The following DOCK1 variants were observed in gnomAD, a reference collection of about 807,000 sequenced individuals.
DOCK1 encodes dedicator of cytokinesis protein 1.
DOCK1 carries 138 observed loss-of-function variants against 262.7 expected under a neutral mutation model. The observed-to-expected ratio is 0.53, with a 90% confidence interval of 0.46 to 0.61. The LOEUF is 0.61. Ranked by LOEUF, DOCK1 falls within the 20% of genes least tolerant of loss-of-function variation. The pLI is 0.00. For missense variants in DOCK1, 1,908 were observed against 2,370.7 expected, an observed-to-expected ratio of 0.80 and a Z score of 4.05; for synonymous variants, 866 against 867.4, an observed-to-expected ratio of 1.00 and a Z score of 0.03.
At chr10:127,222,391 A>G (rs913088087) in intron 27 of DOCK1, among the ~76,000 whole-genome samples, 1 of 152,210 alleles carries the variant, frequency 6.6e-6, no homozygotes, top group African/African-American at 2.4e-5. Context: ...AATATGTTGT[A>G]GGAACTACAG....
intron 51 of DOCK1, among the ~76,000 whole-genome samples, chr10:127,450,733 A>G (rs2134879117): frequency 6.6e-6 from 1 of 152,318 alleles, no homozygotes; most frequent in South Asian, 2.1e-4. Flanking sequence ...AAAGTAATAT[A>G]TGCCCATGAG....
At chr10:127,316,222 T>G (rs1422865783) in intron 29 of DOCK1, among the ~76,000 whole-genome samples, 1 of 152,216 alleles carries the variant, frequency 6.6e-6, no homozygotes. Flanking sequence ...TACAATATTA[T>G]TAACTCTGGT....
At chr10:127,044,117 A>AT (rs1394905498) in intron 21 of DOCK1, among the ~76,000 whole-genome samples, 2 of 152,204 alleles carry the variant, frequency 1.3e-5, no homozygotes, top group Non-Finnish European at 2.9e-5. Flanking sequence ...CCCGCTTAGA[A>AT]TCAGTAGAAA....
intron 27 of DOCK1, among the ~76,000 whole-genome samples, chr10:127,134,893 G>A (rs1457611438): frequency 2.6e-5 from 4 of 152,148 alleles, no homozygotes; most frequent in African/African-American, 7.2e-5. Flanking sequence ...ACCAGCCCAC[G>A]TGTGCAGATG....
chr10:127,335,918 A>G (rs557145948), intron 29 of DOCK1, among the ~76,000 whole-genome samples: 28 of 151,664 alleles, frequency 1.8e-4, no homozygotes, highest in Non-Finnish European at 3.8e-4. Context: ...GGGTTTCACC[A>G]TGTTAGCCAG....
chr10:127,224,546 A>G (rs1294764165), intron 27 of DOCK1, among the ~76,000 whole-genome samples: 2 of 151,292 alleles, frequency 1.3e-5, no homozygotes, highest in Non-Finnish European at 2.9e-5. Flanking sequence ...GTGACAAAAC[A>G]AGACTCTGCT....
intron 29 of DOCK1, among the ~76,000 whole-genome samples, chr10:127,286,246 AAG>A (rs2061149125): frequency 6.6e-6 from 1 of 151,932 alleles, no homozygotes; most frequent in Non-Finnish European, 1.5e-5. Flanking sequence ...TTGTCTGAAA[AAG>A]AAATCTATTT....
In DOCK1 at chr10:127,061,660, C is replaced by T; in HGVS notation, c.2337-8C>T. On this transcript the variant is annotated splice_region_variant and splice_polypyrimidine_tract_variant and intron_variant, in intron 22 of 51. Coordinates refer to ENST00000623213, the MANE Select transcript of DOCK1 (RefSeq NM_001290223.2). Reference sequence around the variant, plus strand: ...CCAGGCCCCCACAGTTTGTGTGTTTCTTTGCAGACTGTATGAAAACAAGGG... The same window carrying T: ...CCAGGCCCCCACAGTTTGTGTGTTTTTTTGCAGACTGTATGAAAACAAGGG... 1 of 1,588,950 alleles carries T rather than the reference C, an allele frequency of 6.3e-7. No individual in the cohort carries two copies. Among genetic ancestry groups the T allele is most frequent in the Non-Finnish European group, 8.6e-7 (1 of 1,167,068 alleles).
At chr10:127,333,462 A>G (rs1298132279) in intron 29 of DOCK1, among the ~76,000 whole-genome samples, 1 of 152,166 alleles carries the variant, frequency 6.6e-6, no homozygotes, top group Non-Finnish European at 1.5e-5. Context: ...GGAATAGTTA[A>G]ATTGGTTCCT....
At chr10:127,258,505 C>A (rs2059904208) in intron 29 of DOCK1, among the ~76,000 whole-genome samples, 1 of 152,210 alleles carries the variant, frequency 6.6e-6, no homozygotes, top group Non-Finnish European at 1.5e-5. Flanking sequence ...GGTAGTGTCC[C>A]ATGGTACGCC....
intron 27 of DOCK1, among the ~76,000 whole-genome samples, chr10:127,161,686 C>G (rs751567650): frequency 6.6e-6 from 1 of 152,110 alleles, no homozygotes; most frequent in African/African-American, 2.4e-5. Context: ...CTGTTCTTTA[C>G]GGATCCTTTG....
intron 27 of DOCK1, among the ~76,000 whole-genome samples, chr10:127,173,064 T>C (rs1375772127): frequency 6.6e-6 from 1 of 152,118 alleles, no homozygotes; most frequent in Non-Finnish European, 1.5e-5. Flanking sequence ...GCCGGGCATA[T>C]AGGGGATGCA....
rs1298302104 is a variant in DOCK1, at chr10:127,240,523, A to C, written c.2848-7485A>C. On this transcript the variant is annotated intron_variant, in intron 27 of 51. Coordinates refer to ENST00000623213, the MANE Select transcript of DOCK1 (RefSeq NM_001290223.2). ...GCTTCAGTTTTAACAATAATACCTG[A>C]ATCAGCCTTTTTATTATGTCTTATG... 3.9e-5 allele frequency among the ~76,000 whole-genome samples: 6 copies of C among 152,166 alleles called. No homozygotes were observed. The East Asian group carries it at 1.2e-3, about 29-fold the overall frequency.
chr10:127,210,145 G>A (rs1369430562), intron 27 of DOCK1, among the ~76,000 whole-genome samples: 2 of 152,204 alleles, frequency 1.3e-5, no homozygotes, highest in Non-Finnish European at 2.9e-5. Flanking sequence ...CCCTCACAGT[G>A]AGAATGAGAT....
intron 32 of DOCK1, among the ~76,000 whole-genome samples, chr10:127,359,037 T>C (rs1006555514): frequency 3.3e-5 from 5 of 152,166 alleles, no homozygotes; most frequent in African/African-American, 1.2e-4. Flanking sequence ...TCTTTTTCTT[T>C]AAGTCTACAC....
At chr10:127,374,336 C>T in intron 35 of DOCK1, 122 bp downstream of exon 35, 3 of 1,277,972 alleles carry the variant, frequency 2.3e-6, no homozygotes, top group Non-Finnish European at 3.1e-6. Flanking sequence ...GAACAATCTC[C>T]TTCGCTTGTT....
intron 27 of DOCK1, among the ~76,000 whole-genome samples, chr10:127,149,301 C>T (rs1038179293): frequency 6.6e-6 from 1 of 152,330 alleles, no homozygotes; most frequent in South Asian, 2.1e-4. Context: ...CTTGCAGGTA[C>T]GCGGCAGGCT....
intron 1 of DOCK1, among the ~76,000 whole-genome samples, chr10:126,932,256 T>C (rs1470213557): frequency 6.6e-6 from 1 of 152,184 alleles, no homozygotes; most frequent in Non-Finnish European, 1.5e-5. Flanking sequence ...TTCAAAGCCA[T>C]GCTGGGGCGG....
chr10:127,063,898 C>T (rs553113213), intron 23 of DOCK1, among the ~76,000 whole-genome samples: 3 of 152,280 alleles, frequency 2.0e-5, no homozygotes, highest in African/African-American at 7.2e-5. Flanking sequence ...TGATGCAAAC[C>T]TTACATCTGC....
Sources: allele counts gnomAD v4.1 joint callset (sites outside exome capture counted in the v4.1 genomes callset), GRCh38; gene constraint gnomAD v4.1.1; transcripts MANE v1.5; gene names NCBI Gene and HGNC (gene_info 2026-07-23, HGNC 2026-07-21).